The following L3MBTL4 variants were observed in gnomAD, a reference collection of about 807,000 sequenced individuals.
L3MBTL4 encodes L3MBTL histone methyl-lysine binding protein 4, also known as lethal(3)malignant brain tumor-like protein 4.
Under a neutral mutation model 84.5 loss-of-function variants are expected in L3MBTL4, and 70 were observed. The ratio of observed to expected loss-of-function variants is 0.83; its 90% CI spans 0.68 to 1.01. The LOEUF (loss-of-function observed/expected upper bound fraction) is 1.01. Among genes scored for constraint, L3MBTL4 ranks in the 50% least tolerant of loss-of-function variants. The pLI is 0.00. For synonymous variants in L3MBTL4, 274 were observed against 259.8 expected, an observed-to-expected ratio of 1.05 and a Z score of -0.52; for missense variants, 715 against 754.8, an observed-to-expected ratio of 0.95 and a Z score of 0.62.
intron 1 of L3MBTL4, among the ~76,000 whole-genome samples, chr18:6,373,225 C>T (rs191597765): frequency 1.3e-5 from 2 of 152,286 alleles, no homozygotes; most frequent in East Asian, 3.9e-4. Flanking sequence ...GCAACCTCAT[C>T]CGTGCTGGGA....
intron 12 of L3MBTL4, among the ~76,000 whole-genome samples, chr18:6,207,590 T>C (rs1317493908): frequency 6.6e-6 from 1 of 152,140 alleles, no homozygotes; most frequent in Non-Finnish European, 1.5e-5. Context: ...TTTTCTGGAA[T>C]TCATGGCTGA....
intron 16 of L3MBTL4, among the ~76,000 whole-genome samples, chr18:6,001,748 T>A (rs1281147661): frequency 6.6e-6 from 1 of 152,040 alleles, no homozygotes; most frequent in African/African-American, 2.4e-5. Flanking sequence ...ATGAGGAATA[T>A]AAAGCAGTAA....
In L3MBTL4 at chr18:5,969,463, T is replaced by C. The variant is rs2052525368; in HGVS notation, c.1544A>G (p.Gln515Arg). 1 of 1,614,046 alleles carries C rather than the reference T, an allele frequency of 6.2e-7. No individual in the cohort carries two copies. The part of the protein sequence containing the change: ...PFRDLPLGRE[Q>R]HCKLLPGVAD... ...CACGCCTGGAAGCAACTTGCAGTGT[T>C]GCTCCCTGCCGAGGGGAAGGTCCCG... The change falls in exon 17 of 19, where the codon CAA (glutamine) becomes CGA (arginine). Residue 515 changes from glutamine (Q) to arginine (R), a missense_variant. Physicochemically the swap from Gln to Arg is conservative, Grantham distance 43. Coordinates refer to ENST00000317931, the MANE Select transcript of L3MBTL4 (RefSeq NM_001330559.2).
chr18:6,297,625 A>C (rs572337559), intron 4 of L3MBTL4, among the ~76,000 whole-genome samples: 136 of 152,352 alleles, frequency 8.9e-4, no homozygotes, highest in Non-Finnish European at 1.4e-3. Context: ...TTAGTTCAGG[A>C]GTTTCTGAAT....
rs1034631234 is a variant in L3MBTL4, at chr18:6,080,781, C to T, written c.1444+100G>A. 2.6e-5 allele frequency: 22 copies of T among 842,820 alleles called. No homozygotes were observed. In the African/African-American group the frequency reaches 3.4e-4, roughly 13 times the overall value. 52.2% of individuals were successfully genotyped at this position (842,820 alleles called of 1,614,324 possible). ...TTGACTTCTAGTTAGGCTCTTTCTA[C>T]CATTCCCTGTTGGAATGATAAAACC... On this transcript the variant is annotated intron_variant, in intron 16 of 18. Transcript: ENST00000317931.
chr18:6,352,142 C>T lies in L3MBTL4; in HGVS notation c.-90-40086G>A, dbSNP rs1400315093. On this transcript the variant is annotated intron_variant, in intron 1 of 18. Coordinates refer to ENST00000317931, the MANE Select transcript of L3MBTL4 (RefSeq NM_001330559.2). ...TCTCCCTTCTCACTGCTAGTAATTA[C>T]TCAAAATGTGGTCACTCTCAGCATT... 2.6e-5 allele frequency among the ~76,000 whole-genome samples: 4 copies of T among 152,170 alleles called. No individual in the cohort carries two copies. In the East Asian group the frequency reaches 5.8e-4, roughly 22 times the overall value.
At chr18:6,092,596 T>C (rs2058497743) in intron 15 of L3MBTL4, among the ~76,000 whole-genome samples, 1 of 152,220 alleles carries the variant, frequency 6.6e-6, no homozygotes, top group Non-Finnish European at 1.5e-5. Context: ...CCATTTCTCA[T>C]CTCTCTGTCT....
chr18:6,331,479 A>T (rs1370128115), intron 1 of L3MBTL4, among the ~76,000 whole-genome samples: 1 of 152,204 alleles, frequency 6.6e-6, no homozygotes, highest in African/African-American at 2.4e-5. Flanking sequence ...TTAGTATGAA[A>T]AAAAAGTCTC....
At chr18:6,159,039 A>G (rs1005089226) in intron 13 of L3MBTL4, among the ~76,000 whole-genome samples, 1 of 151,964 alleles carries the variant, frequency 6.6e-6, no homozygotes, top group Admixed American at 6.6e-5. Flanking sequence ...GCTGCTGATG[A>G]TCAGGAATGA....
At chr18:6,221,798 C>G (rs2046566399) in intron 10 of L3MBTL4, among the ~76,000 whole-genome samples, 1 of 152,170 alleles carries the variant, frequency 6.6e-6, no homozygotes, top group African/African-American at 2.4e-5. Context: ...TCATTTGTTT[C>G]AAGTGTCTCT....
intron 16 of L3MBTL4, among the ~76,000 whole-genome samples, chr18:6,023,030 C>T (rs2055341499): frequency 6.6e-6 from 1 of 152,178 alleles, no homozygotes; most frequent in Non-Finnish European, 1.5e-5. Context: ...CTGTGGGATG[C>T]TGTGAGGATA....
chr18:6,087,965 A>G (rs2058312890), intron 15 of L3MBTL4, among the ~76,000 whole-genome samples: 1 of 152,238 alleles, frequency 6.6e-6, no homozygotes, highest in South Asian at 2.1e-4. Context: ...AAACAGATGT[A>G]TATGATGAAA....
intron 16 of L3MBTL4, among the ~76,000 whole-genome samples, chr18:6,020,178 T>A (rs2055184911): frequency 6.6e-6 from 1 of 152,058 alleles, no homozygotes; most frequent in Non-Finnish European, 1.5e-5. Context: ...CCAGCAAAGC[T>A]CCTTTTCATA....
intron 10 of L3MBTL4, among the ~76,000 whole-genome samples, chr18:6,232,892 C>T (rs180806874): frequency 1.6e-3 from 237 of 151,968 alleles, no homozygotes; most frequent in Middle Eastern, 3.4e-3. Context: ...GAAAGGATTT[C>T]CTCCCGATCA....
In L3MBTL4 at chr18:5,962,319, G is replaced by A. The variant is rs1263294030; in HGVS notation, c.1615-2163C>T. ...TATTTCCACCACGGCGATTTGGGGT[G>A]GATGTACGGGGAAGAAATTCTAGGC... On this transcript the variant is annotated intron_variant, in intron 17 of 18. Transcript: ENST00000317931. Among the ~76,000 whole-genome samples the A allele has an allele frequency of 3.3e-5, 5 of 152,270 alleles. No individual in the cohort carries two copies. The East Asian group carries it at 9.7e-4, about 29-fold the overall frequency.
At chr18:6,402,653 G>A (rs561742883) in intron 1 of L3MBTL4, among the ~76,000 whole-genome samples, 35 of 152,186 alleles carry the variant, frequency 2.3e-4, no homozygotes, top group Middle Eastern at 3.4e-3. Flanking sequence ...AATCACTAGT[G>A]ATTAAATTGA....
At chr18:5,989,850 G>A (rs563325107) in intron 16 of L3MBTL4, among the ~76,000 whole-genome samples, 16 of 152,320 alleles carry the variant, frequency 1.1e-4, no homozygotes, top group Admixed American at 7.2e-4. Flanking sequence ...CTGAGGGAAC[G>A]AATCCACTTG....
At chr18:5,996,535 C>A (rs1048702285) in intron 16 of L3MBTL4, among the ~76,000 whole-genome samples, 1 of 152,192 alleles carries the variant, frequency 6.6e-6, no homozygotes, top group African/African-American at 2.4e-5. Flanking sequence ...ACTCTAGCAG[C>A]TGTGGCTATG....
chr18:6,187,293 T>C (rs2044821730), intron 12 of L3MBTL4, among the ~76,000 whole-genome samples: 1 of 152,200 alleles, frequency 6.6e-6, no homozygotes, highest in Admixed American at 6.5e-5. Context: ...GTGGCTGTGG[T>C]TTCTTCTACA....
Sources: allele counts gnomAD v4.1 joint callset (sites outside exome capture counted in the v4.1 genomes callset), GRCh38; gene constraint gnomAD v4.1.1; transcripts MANE v1.5; gene names NCBI Gene and HGNC (gene_info 2026-07-23, HGNC 2026-07-21).